The following MAPK10 variants were observed in gnomAD, a reference collection of about 807,000 sequenced individuals.
MAPK10 encodes mitogen-activated protein kinase 10.
Under a neutral mutation model 59.3 loss-of-function variants are expected in MAPK10, and 25 were observed. That is an observed-to-expected ratio of 0.42 (90% CI 0.31 to 0.59). The LOEUF (loss-of-function observed/expected upper bound fraction) is 0.59, where lower values mean the gene tolerates loss of function less well. MAPK10 is among the 20% of genes least tolerant of loss of function. MAPK10 has a pLI of 0.15. For missense variants in MAPK10, 351 were observed against 568.9 expected (o/e 0.62, Z 3.90); for synonymous variants, 190 against 200.5 (o/e 0.95, Z 0.44).
At chr4:86,138,780 G>A (rs1370041073) in intron 4 of MAPK10, among the ~76,000 whole-genome samples, 1 of 151,978 alleles carries the variant, frequency 6.6e-6, no homozygotes, top group South Asian at 2.1e-4. Context: ...TGTATATCTA[G>A]AAAACCCCAT....
chr4:86,233,309 C>T (rs776818760), intron 2 of MAPK10, among the ~76,000 whole-genome samples: 12 of 151,952 alleles, frequency 7.9e-5, no homozygotes, highest in African/African-American at 2.2e-4. Flanking sequence ...TATTCAGTGA[C>T]GTCAGAATAA....
At chr4:86,236,133 A>AT (rs2092201481) in intron 2 of MAPK10, among the ~76,000 whole-genome samples, 1 of 152,104 alleles carries the variant, frequency 6.6e-6, no homozygotes, top group African/African-American at 2.4e-5. Context: ...TTTTGTCTTC[A>AT]TGTCTCCTGT....
chr4:86,549,726 C>T (rs1198269899), intron 1 of MAPK10, among the ~76,000 whole-genome samples: 1 of 152,158 alleles, frequency 6.6e-6, no homozygotes, highest in Non-Finnish European at 1.5e-5. Flanking sequence ...TGCCTTTAAT[C>T]CCAACACTTT....
chr4:86,227,344 G>A (rs940206031), intron 2 of MAPK10, among the ~76,000 whole-genome samples: 1 of 151,836 alleles, frequency 6.6e-6, no homozygotes, highest in African/African-American at 2.4e-5. Flanking sequence ...AAAACTAGCC[G>A]GGCTTGGTGG....
chr4:86,457,454 CA>C (rs1301179064), upstream of MAPK10, among the ~76,000 whole-genome samples: 7 of 152,140 alleles, frequency 4.6e-5, no homozygotes, highest in Non-Finnish European at 8.8e-5. Context: ...AAGAATTCTG[CA>C]AAGTTTCCAG....
chr4:86,383,865 G>A (rs552489507), intron 1 of MAPK10, among the ~76,000 whole-genome samples: 1 of 152,172 alleles, frequency 6.6e-6, no homozygotes, highest in East Asian at 1.9e-4. Flanking sequence ...AAGGCAAAAG[G>A]GCAAAATGTG....
At chr4:86,199,099 C>T (rs1425848539) in intron 2 of MAPK10, among the ~76,000 whole-genome samples, 1 of 151,982 alleles carries the variant, frequency 6.6e-6, no homozygotes, top group Non-Finnish European at 1.5e-5. Context: ...GCAATTGGAA[C>T]AACTAAATTT....
At chr4:86,060,763 C>T (rs996326872) in intron 11 of MAPK10, among the ~76,000 whole-genome samples, 1 of 151,928 alleles carries the variant, frequency 6.6e-6, no homozygotes, top group Non-Finnish European at 1.5e-5. Context: ...TTTCTTCTAC[C>T]TGGCAAAGAA....
At chr4:86,577,642 CA>C (rs1761999475) in intron 1 of MAPK10, among the ~76,000 whole-genome samples, 1 of 151,620 alleles carries the variant, frequency 6.6e-6, no homozygotes, top group East Asian at 1.9e-4. Flanking sequence ...AGCAAGCAAA[CA>C]AAAAAGGACA....
rs139747164 is a variant in MAPK10 at position 86,463,375 on chromosome 4, A to G, written c.-262-108731T>C. On this transcript the variant is annotated intron_variant, in intron 1 of 4. Coordinates refer to the MAPK10 transcript ENST00000502302. ...TCATTGGAAAGTGTTGCCATAAGGC[A>G]TATTAAACAGTTCAACAATTTGCCA... 5.0e-4 allele frequency among the ~76,000 whole-genome samples: 76 copies of G among 152,354 alleles called. 1 individual carries two copies. In the East Asian group the frequency reaches 0.011, roughly 22 times the overall value.
At chr4:86,445,378 AT>A (rs1276869390) in intron 1 of MAPK10, among the ~76,000 whole-genome samples, 1 of 152,142 alleles carries the variant, frequency 6.6e-6, no homozygotes, top group Non-Finnish European at 1.5e-5. Context: ...ATGAGAACAC[AT>A]GGACACAGGG....
chr4:86,372,883 G>T (rs2148994754), intron 1 of MAPK10, among the ~76,000 whole-genome samples: 1 of 152,090 alleles, frequency 6.6e-6, no homozygotes, highest in African/African-American at 2.4e-5. Flanking sequence ...AAATTCAAAA[G>T]GTAGCAGATG....
intron 2 of MAPK10, among the ~76,000 whole-genome samples, chr4:86,306,402 T>A (rs2095569151): frequency 6.6e-6 from 1 of 152,234 alleles, no homozygotes. Flanking sequence ...TGCAGTATTA[T>A]GAAAATACTT....
chr4:86,345,467 T>C (rs963853517), intron 2 of MAPK10, among the ~76,000 whole-genome samples: 1 of 152,214 alleles, frequency 6.6e-6, no homozygotes, highest in Non-Finnish European at 1.5e-5. Flanking sequence ...TGATTACTTA[T>C]GAGAGAAATC....
At chr4:86,435,234 T>C (rs1484714701) in intron 1 of MAPK10, among the ~76,000 whole-genome samples, 1 of 152,100 alleles carries the variant, frequency 6.6e-6, no homozygotes. Context: ...CAGTGGCTCA[T>C]ACCTGTAATC....
rs1480394065 is a variant in MAPK10 at position 86,157,878 on chromosome 4, A to G, written c.236+1420T>C. ...TCTTTCACTGACAGTACTCAGTTTC[A>G]CTGCCACAAATCTGTGGCAGGTCTG... On this transcript the variant is annotated intron_variant, in intron 4 of 13. Coordinates refer to ENST00000641462, the MANE Select transcript of MAPK10 (RefSeq NM_138982.4). Among the ~76,000 whole-genome samples, 11 of 152,084 alleles carry G rather than the reference A, an allele frequency of 7.2e-5. No individual in the cohort carries two copies. In the East Asian group the frequency reaches 1.9e-3, roughly 27 times the overall value.
chr4:86,016,787 G>A lies in MAPK10; in HGVS notation c.*441C>T, dbSNP rs191358395. 5.1e-4 allele frequency: 90 copies of A among 177,232 alleles called. 1 individual carries two copies. The highest frequency in any genetic ancestry group is 4.2e-3 in the Admixed American group (76 of 18,238). The allele number at this position is 177,232 out of a possible 1,614,324, so 11.0% of individuals were successfully genotyped here. A position where few individuals can be genotyped will look rare whatever the true frequency, so the allele number is the denominator to read the frequency against. ...TATGAATACAGACACATGCGGATCT[G>A]TATCTACATCCATCTGACTAGGCCA... On this transcript the variant is annotated 3_prime_UTR_variant, in exon 14 of 14. Coordinates refer to ENST00000641462, the MANE Select transcript of MAPK10 (RefSeq NM_138982.4).
At chr4:86,287,971 G>A (rs191654780) in intron 2 of MAPK10, among the ~76,000 whole-genome samples, 2 of 152,184 alleles carry the variant, frequency 1.3e-5, no homozygotes, top group Admixed American at 6.5e-5. Context: ...CCACTGGAGA[G>A]GTGATGACCA....
intron 2 of MAPK10, among the ~76,000 whole-genome samples, chr4:86,306,510 CT>C (rs1400404700): frequency 6.6e-6 from 1 of 152,218 alleles, no homozygotes; most frequent in Non-Finnish European, 1.5e-5. Context: ...CTCAAAACTA[CT>C]TTGAATGAAT....
Sources: allele counts gnomAD v4.1 joint callset (sites outside exome capture counted in the v4.1 genomes callset), GRCh38; gene constraint gnomAD v4.1.1; transcripts MANE v1.5; gene names NCBI Gene and HGNC (gene_info 2026-07-23, HGNC 2026-07-21).